Variants in SEC23IP observed in about 807,000 individuals in gnomAD.
SEC23IP encodes the protein SEC23-interacting protein.
A neutral mutation model predicts 113.4 loss-of-function variants in SEC23IP; 70 were observed. The observed-to-expected ratio is 0.62, with a 90% CI of 0.51 to 0.75. SEC23IP has a LOEUF of 0.75. SEC23IP is among the 30% of genes least tolerant of loss of function. SEC23IP has a pLI of 0.00. For missense variants in SEC23IP, 1,160 were observed against 1,204.9 expected (o/e 0.96, Z 0.55); for synonymous variants, 398 against 421.0 (o/e 0.95, Z 0.67).
chr10:119,903,942 A>G, intron 3 of SEC23IP, 142 bp from the exon 4 acceptor site: 2 of 782,886 alleles, frequency 2.6e-6, no homozygotes, highest in Non-Finnish European at 2.0e-6. Context: ...CTGGTCTCAA[A>G]CTCCTGACCG....
At chr10:119,900,210 A>C (rs1341339994) in intron 2 of SEC23IP, among the ~76,000 whole-genome samples, 1 of 152,044 alleles carries the variant, frequency 6.6e-6, no homozygotes, top group Non-Finnish European at 1.5e-5. Flanking sequence ...CAGGAAATTG[A>C]GTGTTGATGT....
chr10:119,899,290 T>C (rs1461505162), intron 2 of SEC23IP, among the ~76,000 whole-genome samples: 2 of 152,244 alleles, frequency 1.3e-5, no homozygotes, highest in Non-Finnish European at 2.9e-5. Flanking sequence ...CTTAACAGAC[T>C]GCTAGTTTCT....
intron 2 of SEC23IP, among the ~76,000 whole-genome samples, chr10:119,900,428 G>T (rs1854441399): frequency 6.6e-6 from 1 of 151,690 alleles, no homozygotes; most frequent in Non-Finnish European, 1.5e-5. Context: ...CCCTACCTCA[G>T]CCTCACCAGT....
rs546150993 is a variant in SEC23IP at position 119,944,001 on chromosome 10, G to A, written c.*3436G>A. ...ATGGAATTTTCACAAATACTCAAAA[G>A]TATGGAGAATGGTACAGTGAATCCC... is the stretch of plus-strand genomic sequence containing the variant. On this transcript the variant is annotated 3_prime_UTR_variant, in exon 19 of 19. Coordinates refer to ENST00000369075, the MANE Select transcript of SEC23IP (RefSeq NM_007190.4). The A allele has an allele frequency of 6.6e-6, 1 of 152,344 alleles. No homozygotes were observed. The highest frequency in any genetic ancestry group is 1.5e-5 in the Non-Finnish European group (1 of 68,034). The allele number at this position is 152,344 out of a possible 1,614,324, so 9.4% of individuals were successfully genotyped here.
At position 119,919,439 on chromosome 10, in the gene SEC23IP, TA is replaced by T; in HGVS notation, c.1873-2del. ...GTAATGTTTTTCATACTTTTTTTTT[TA>T]AAGATGCCTGAAGAGCCAAAGCTGA... On this transcript the variant is annotated splice_region_variant and splice_polypyrimidine_tract_variant and intron_variant, in intron 10 of 18. Transcript: ENST00000369075. 1 of 1,575,854 alleles carries T rather than the reference TA, an allele frequency of 6.3e-7. No individual in the cohort carries two copies. Among genetic ancestry groups the T allele is most frequent in the Non-Finnish European group, 8.6e-7 (1 of 1,167,016 alleles).
chr10:119,902,194 T>G (rs892117157), intron 2 of SEC23IP, among the ~76,000 whole-genome samples: 2 of 152,020 alleles, frequency 1.3e-5, no homozygotes, highest in African/African-American at 4.8e-5. Context: ...CTGTCTCTAC[T>G]AAAAATACAA....
intron 2 of SEC23IP, among the ~76,000 whole-genome samples, chr10:119,902,224 C>T (rs953982486): frequency 1.3e-5 from 2 of 152,020 alleles, no homozygotes; most frequent in Non-Finnish European, 2.9e-5. Flanking sequence ...AGTGTGGTGG[C>T]GCATGCCTGT....
chr10:119,916,632 G>C (rs1034415183), intron 8 of SEC23IP, among the ~76,000 whole-genome samples: 6 of 151,968 alleles, frequency 3.9e-5, no homozygotes, highest in African/African-American at 1.5e-4. Context: ...CTCAAATTAG[G>C]GAAGATTTTT....
intron 1 of SEC23IP, 70 bp from the exon 2 acceptor site, chr10:119,898,357 T>C (rs552412537): frequency 3.4e-5 from 50 of 1,467,774 alleles, no homozygotes; most frequent in Middle Eastern, 3.6e-4. Context: ...TGCTAGCCCT[T>C]CCTTATAGAA....
intron 8 of SEC23IP, among the ~76,000 whole-genome samples, chr10:119,917,539 C>G (rs1008692512): frequency 2.0e-5 from 3 of 152,042 alleles, no homozygotes; most frequent in Non-Finnish European, 4.4e-5. Flanking sequence ...CCACCACACT[C>G]GGCTAATTTG....
At chr10:119,920,778 AGTGGCTCTTAGATTGCTT>A in intron 11 of SEC23IP, 93 bp from the exon 12 acceptor site, 1 of 644,740 alleles carries the variant, frequency 1.6e-6, no homozygotes, top group Non-Finnish European at 2.6e-6. Flanking sequence ...TAAAAAGTTG[AGTGGCTCTTAGATTGCTT>A]TAGATGATGT....
At chr10:119,921,736 G>C (rs1320454103) in intron 12 of SEC23IP, among the ~76,000 whole-genome samples, 1 of 152,128 alleles carries the variant, frequency 6.6e-6, no homozygotes, top group East Asian at 1.9e-4. Context: ...TTAATTTATT[G>C]ATCAAATTAA....
intron 10 of SEC23IP, among the ~76,000 whole-genome samples, chr10:119,918,947 T>TG (rs1365659572): frequency 6.6e-6 from 1 of 152,080 alleles, no homozygotes; most frequent in Admixed American, 6.6e-5. Context: ...TTATAGGAAA[T>TG]GGAGACTTGA....
intron 16 of SEC23IP, 56 bp downstream of exon 16, chr10:119,932,374 C>A: frequency 7.5e-7 from 1 of 1,341,704 alleles, no homozygotes; most frequent in Non-Finnish European, 1.0e-6. Context: ...GAACATAATA[C>A]TTAAAAGTTA....
intron 15 of SEC23IP, among the ~76,000 whole-genome samples, chr10:119,930,954 A>G (rs1855577277): frequency 6.6e-6 from 1 of 152,210 alleles, no homozygotes; most frequent in East Asian, 1.9e-4. Flanking sequence ...GGAGGGGTAG[A>G]AGAGAAGGAA....
intron 7 of SEC23IP, among the ~76,000 whole-genome samples, 198 bp downstream of exon 7, chr10:119,915,017 A>G (rs1855002495): frequency 6.6e-6 from 1 of 152,192 alleles, no homozygotes; most frequent in South Asian, 2.1e-4. Flanking sequence ...ACAATCCCAG[A>G]CTGTGAGGAA....
chr10:119,938,937 A>G (rs1050783218), intron 18 of SEC23IP, among the ~76,000 whole-genome samples: 1 of 152,224 alleles, frequency 6.6e-6, no homozygotes, highest in African/African-American at 2.4e-5. Flanking sequence ...TACATAGTTC[A>G]TTCAAGCTTA....
intron 2 of SEC23IP, 111 bp from the exon 3 acceptor site, chr10:119,902,688 A>C: frequency 1.2e-6 from 1 of 854,264 alleles, no homozygotes; most frequent in South Asian, 1.6e-5. Context: ...TACACTAAGT[A>C]ATTGTCCAGA....
chr10:119,930,476 A>T, intron 15 of SEC23IP, 45 bp downstream of exon 15: 1 of 1,137,380 alleles, frequency 8.8e-7, no homozygotes, highest in Non-Finnish European at 1.3e-6. Flanking sequence ...GTCATTTGTA[A>T]TCTGTAATGA....
Sources: gnomAD v4.1 joint callset for allele counts (sites outside exome capture counted in the v4.1 genomes callset) on GRCh38, gnomAD v4.1.1 for gene constraint, MANE v1.5 for transcripts, NCBI Gene and HGNC (gene_info 2026-07-23, HGNC 2026-07-21) for gene names.